Variants in ASTN2 observed in about 807,000 individuals in gnomAD.
The protein encoded by ASTN2 is astrotactin-2.
In ASTN2, 54 loss-of-function variants were observed where a neutral mutation model predicts 139.8. The ratio of observed to expected loss-of-function variants is 0.39; its 90% CI spans 0.31 to 0.48. ASTN2 has a LOEUF of 0.48. ASTN2 is among the 20% of genes least tolerant of loss of function. ASTN2 has a pLI of 0.95. For missense variants in ASTN2, 1,565 were observed against 1,725.1 expected, an observed-to-expected ratio of 0.91 and a Z score of 1.64; for synonymous variants, 756 against 719.5, an observed-to-expected ratio of 1.05 and a Z score of -0.81.
intron 2 of ASTN2, among the ~76,000 whole-genome samples, chr9:117,264,460 A>T (rs1833896982): frequency 6.6e-6 from 1 of 152,206 alleles, no homozygotes; most frequent in African/African-American, 2.4e-5. Context: ...TACCACTGTT[A>T]TAGAAATAAA....
chr9:117,154,047 T>C (rs946540374), intron 3 of ASTN2, among the ~76,000 whole-genome samples: 1 of 152,178 alleles, frequency 6.6e-6, no homozygotes, highest in East Asian at 1.9e-4. Context: ...CCATCTTCTT[T>C]GAAACTAAGG....
intron 20 of ASTN2, among the ~76,000 whole-genome samples, chr9:116,485,768 C>T (rs1849318231): frequency 6.6e-6 from 1 of 152,186 alleles, no homozygotes; most frequent in African/African-American, 2.4e-5. Context: ...AGCTTGGGTC[C>T]CAACATCTAA....
chr9:117,407,033 C>T (rs983132191), intron 1 of ASTN2, among the ~76,000 whole-genome samples: 5 of 152,100 alleles, frequency 3.3e-5, no homozygotes, highest in Non-Finnish European at 7.4e-5. Context: ...ATGATTATAG[C>T]AGTCTTTATT....
At chr9:116,996,951 G>T (rs1837041889) in intron 7 of ASTN2, among the ~76,000 whole-genome samples, 1 of 152,008 alleles carries the variant, frequency 6.6e-6, no homozygotes. Context: ...AATGTCAGTA[G>T]ATTATATTTA....
intron 11 of ASTN2, among the ~76,000 whole-genome samples, chr9:116,833,049 G>A (rs1315747593): frequency 1.3e-5 from 2 of 151,922 alleles, no homozygotes; most frequent in Non-Finnish European, 2.9e-5. Flanking sequence ...GAGCTGAGGG[G>A]AGGAGGAGTC....
rs74374532 is a variant in ASTN2 at position 117,185,947 on chromosome 9, T to C, written c.1015+28411A>G. 2.6e-5 allele frequency among the ~76,000 whole-genome samples: 4 copies of C among 152,272 alleles called. No homozygotes were observed. In the East Asian group the frequency reaches 7.8e-4, roughly 30 times the overall value. On this transcript the variant is annotated intron_variant, in intron 3 of 22. Transcript: ENST00000313400. ...GCCTGAGACTGTTTCTGATCATACCTGTCCTTGTGTTCCTCAAGGAACAGA... is the reference window on the plus strand; with the variant it reads ...GCCTGAGACTGTTTCTGATCATACCCGTCCTTGTGTTCCTCAAGGAACAGA...
At chr9:117,195,943 G>C (rs572144120) in intron 3 of ASTN2, among the ~76,000 whole-genome samples, 26 of 152,272 alleles carry the variant, frequency 1.7e-4, no homozygotes, top group African/African-American at 5.3e-4. Flanking sequence ...CTTCTTCAGG[G>C]AACACATGTT....
intron 16 of ASTN2, among the ~76,000 whole-genome samples, chr9:116,675,277 T>A (rs1014531248): frequency 6.6e-6 from 1 of 152,168 alleles, no homozygotes; most frequent in African/African-American, 2.4e-5. Flanking sequence ...TCACAGGGTG[T>A]CAGTCTGTAG....
intron 3 of ASTN2, among the ~76,000 whole-genome samples, chr9:117,197,589 G>C (rs960427864): frequency 1.3e-5 from 2 of 152,106 alleles, no homozygotes; most frequent in Admixed American, 1.3e-4. Flanking sequence ...GTGTGTGTGT[G>C]TATACACAAT....
intron 13 of ASTN2, among the ~76,000 whole-genome samples, chr9:116,746,572 T>A (rs1829240787): frequency 6.6e-6 from 1 of 152,218 alleles, no homozygotes; most frequent in African/African-American, 2.4e-5. Flanking sequence ...CTATGTAAGA[T>A]AACTGATAAC....
chr9:116,741,457 A>G lies in ASTN2; in HGVS notation c.2397-7934T>C, dbSNP rs77078536. ...TTAAAATCCCAAAGCTGATGAGGAC[A>G]TATTCCCTGGTGTACACTGTGCCTC... On this transcript the variant is annotated intron_variant, in intron 13 of 22. Transcript: ENST00000313400. Among the ~76,000 whole-genome samples, 18 of 152,296 alleles carry G rather than the reference A, an allele frequency of 1.2e-4. No homozygotes were observed. In the East Asian group the frequency reaches 3.5e-3, roughly 29 times the overall value.
chr9:116,575,045 T>G (rs1853668150), intron 19 of ASTN2, among the ~76,000 whole-genome samples: 1 of 152,214 alleles, frequency 6.6e-6, no homozygotes, highest in Non-Finnish European at 1.5e-5. Context: ...TTCAGACTTT[T>G]GTACTTGCAA....
At chr9:117,386,136 G>C (rs1048801392) in intron 1 of ASTN2, among the ~76,000 whole-genome samples, 2 of 151,650 alleles carry the variant, frequency 1.3e-5, no homozygotes, top group Non-Finnish European at 2.9e-5. Flanking sequence ...AGATCAGGAG[G>C]AAAGGAGGGG....
chr9:117,303,030 C>T (rs1470345734), intron 1 of ASTN2, among the ~76,000 whole-genome samples: 1 of 152,120 alleles, frequency 6.6e-6, no homozygotes, highest in Non-Finnish European at 1.5e-5. Flanking sequence ...TCATTCAAAA[C>T]CCAGCTGAAG....
chr9:117,345,157 T>A (rs571628152), intron 1 of ASTN2, among the ~76,000 whole-genome samples: 9 of 152,152 alleles, frequency 5.9e-5, no homozygotes, highest in African/African-American at 2.2e-4. Flanking sequence ...CTGTAGTTAA[T>A]TGAATCCTCC....
Position 117,214,532 on chromosome 9 carries a change from C to G in ASTN2, c.841G>C (p.Gly281Arg), listed in dbSNP as rs547433370. 1 of 1,613,874 alleles carries G rather than the reference C, an allele frequency of 6.2e-7. No individual in the cohort carries two copies. Among genetic ancestry groups the G allele is most frequent in the Non-Finnish European group, 8.5e-7 (1 of 1,179,752 alleles). ...ATGGGAGTCTCCCGGATGGGCACGC[C>G]AATGACGGAATTGTGGGTTTGCAGC... ...SRLQTHNSVI[G>R]VPIRETPILD... Residue 281 changes from glycine to arginine, a missense_variant, in exon 3 of 23, where the codon GGC becomes CGC. Coordinates refer to ENST00000313400, the MANE Select transcript of ASTN2 (RefSeq NM_001365068.1).
intron 19 of ASTN2, among the ~76,000 whole-genome samples, chr9:116,529,552 T>A (rs1303679662): frequency 1.3e-5 from 2 of 152,072 alleles, no homozygotes; most frequent in East Asian, 3.9e-4. Flanking sequence ...ACAATTGCAT[T>A]TTGAAATGTG....
At chr9:117,278,093 C>T (rs1474224003) in intron 2 of ASTN2, among the ~76,000 whole-genome samples, 3 of 152,194 alleles carry the variant, frequency 2.0e-5, no homozygotes, top group South Asian at 4.2e-4. Context: ...TCATCTCTGA[C>T]ATATGCCCAG....
At chr9:116,735,939 C>G (rs969470814) in intron 13 of ASTN2, among the ~76,000 whole-genome samples, 13 of 152,178 alleles carry the variant, frequency 8.5e-5, no homozygotes, top group African/African-American at 2.9e-4. Flanking sequence ...ATAACAATAG[C>G]CTTTTATTGA....
Sources: gnomAD v4.1 joint callset for allele counts (sites outside exome capture counted in the v4.1 genomes callset) on GRCh38, gnomAD v4.1.1 for gene constraint, MANE v1.5 for transcripts, NCBI Gene and HGNC (gene_info 2026-07-23, HGNC 2026-07-21) for gene names.